MAFG: variants seen among roughly 807,000 people sequenced by gnomAD.
The protein encoded by MAFG is MAF bZIP transcription factor G, also known as transcription factor MafG.
MAFG carries 3 observed loss-of-function variants against 12.2 expected under a neutral mutation model. The observed-to-expected ratio is 0.25, with a 90% confidence interval of 0.11 to 0.64. The LOEUF is 0.64. Among genes scored for constraint, MAFG ranks in the 30% least tolerant of loss-of-function variants. The probability of loss-of-function intolerance (pLI) is 0.85; values close to 1 mark genes in which losing one functional copy is unlikely to be tolerated. For missense variants in MAFG, 153 were observed against 235.5 expected, an observed-to-expected ratio of 0.65 and a Z score of 2.29; for synonymous variants, 126 against 109.1, an observed-to-expected ratio of 1.15 and a Z score of -0.96.
In MAFG at chr17:81,919,802, GCAGGGCTGACCTGA is replaced by G. The variant is rs2143806029; in HGVS notation, c.*2789_*2802del. ...AGGGGAAGAGGGGTGGAGTGGCTCCGCAGGGCTGACCTGACAGGGGACAGGAACACTCCCCTAGA... is the reference window on the plus strand; with the variant it reads ...AGGGGAAGAGGGGTGGAGTGGCTCCGCAGGGGACAGGAACACTCCCCTAGA... On this transcript the variant is annotated 3_prime_UTR_variant, in exon 3 of 3. Transcript: ENST00000357736. 6.6e-6 allele frequency: 1 copy of G among 152,390 alleles called. No individual in the cohort carries two copies. The highest frequency in any genetic ancestry group is 6.5e-5 in the Admixed American group (1 of 15,298). 9.4% of individuals were successfully genotyped at this position (152,390 alleles called of 1,614,324 possible). A position where few individuals can be genotyped will look rare whatever the true frequency, so the allele number is the denominator to read the frequency against.
rs528570560 is a variant in MAFG at position 81,922,465 on chromosome 17, C to T, written c.*140G>A. 3.7e-5 allele frequency: 24 copies of T among 641,046 alleles called. No homozygotes were observed. In the Admixed American group the frequency reaches 4.3e-4, roughly 11 times the overall value. The allele number at this position is 641,046 out of a possible 1,614,324, so 39.7% of individuals were successfully genotyped here. On this transcript the variant is annotated 3_prime_UTR_variant, in exon 3 of 3. Transcript: ENST00000357736. ...GGCTCAGCCCGGCGCCCCTGGGGTACAGGTTGTGCTTTGCAGGGAAGAGAG... is the reference window on the plus strand; with the variant it reads ...GGCTCAGCCCGGCGCCCCTGGGGTATAGGTTGTGCTTTGCAGGGAAGAGAG...
rs1255686296 is a variant in MAFG, at chr17:81,921,878, C to G, written c.*727G>C. ...ATAACTTTGTAAAAGGAACTTCTCT[C>G]TTTTAAATAAAGGGCTATATAACCA... On this transcript the variant is annotated 3_prime_UTR_variant, in exon 3 of 3. Coordinates refer to ENST00000357736, the MANE Select transcript of MAFG (RefSeq NM_002359.4). 2 of 152,050 alleles carry G rather than the reference C, an allele frequency of 1.3e-5. No individual in the cohort carries two copies. Among genetic ancestry groups the G allele is most frequent in the Admixed American group, 6.6e-5 (1 of 15,266 alleles). The allele number at this position is 152,050 out of a possible 1,614,324, so 9.4% of individuals were successfully genotyped here.
upstream of MAFG, chr17:81,927,916 A>C (rs778586833): frequency 6.6e-6 from 1 of 152,188 alleles, no homozygotes; most frequent in East Asian, 1.9e-4. Context: ...GCGCACGGCC[A>C]AAGCGCCAGG....
rs1363703303 is a variant in MAFG, at chr17:81,921,898, T to C, written c.*707A>G. ...TCTCTCTTTTAAATAAAGGGCTATATAACCACACAAATAGGTCATGTAAAC... is the reference window on the plus strand; with the variant it reads ...TCTCTCTTTTAAATAAAGGGCTATACAACCACACAAATAGGTCATGTAAAC... On this transcript the variant is annotated 3_prime_UTR_variant, in exon 3 of 3. Coordinates refer to ENST00000357736, the MANE Select transcript of MAFG (RefSeq NM_002359.4). 1 of 152,196 alleles carries C rather than the reference T, an allele frequency of 6.6e-6. No homozygotes were observed. The highest frequency in any genetic ancestry group is 1.5e-5 in the Non-Finnish European group (1 of 68,032). The allele number at this position is 152,196 out of a possible 1,614,324, so 9.4% of individuals were successfully genotyped here.
rs897007820 is a variant in MAFG at position 81,926,987 on chromosome 17, C to T, written c.-30+541G>A. Among the ~76,000 whole-genome samples the T allele has an allele frequency of 3.3e-5, 5 of 152,178 alleles. No homozygotes were observed. The highest frequency in any genetic ancestry group is 1.2e-4 in the African/African-American group (5 of 41,444). ...GCTGATGACTCAGCAAGTCTCCCTC[C>T]GGGCTCTGGCACGCGACTGACGGAA... is the stretch of plus-strand genomic sequence containing the variant. On this transcript the variant is annotated intron_variant, in intron 1 of 2. Coordinates refer to ENST00000357736, the MANE Select transcript of MAFG (RefSeq NM_002359.4). The surrounding 1 kb of genome is among the most constrained non-coding windows in gnomAD (Gnocchi z 4.6).
upstream of MAFG, chr17:81,930,171 G>A (rs2143837722): frequency 2.0e-5 from 3 of 152,452 alleles, no homozygotes; most frequent in South Asian, 6.2e-4. This position sits in a 1 kb window ranked among gnomAD's most constrained non-coding sequence, Gnocchi z 4.1. Context: ...TGCTCTCCCT[G>A]GTCTCCAGGC....
intron 1 of MAFG, 60 bp from the exon 2 acceptor site, chr17:81,923,274 C>CG: frequency 2.1e-6 from 2 of 966,446 alleles, no homozygotes; most frequent in African/African-American, 2.0e-5. Flanking sequence ...CCCCCCCCCC[C>CG]CGCCCCCGGC....
rs1023016050 is a variant in MAFG, at chr17:81,920,947, C to T, written c.*1658G>A. ...GGGATCAAGCGGGCGGCGAGACCTG[C>T]AGCCCACGGCGCGGGCAGCCTATAG... On this transcript the variant is annotated 3_prime_UTR_variant, in exon 3 of 3. Transcript: ENST00000357736. 1.3e-5 allele frequency: 2 copies of T among 152,390 alleles called. No homozygotes were observed. The highest frequency in any genetic ancestry group is 2.9e-5 in the Non-Finnish European group (2 of 68,172). 9.4% of individuals were successfully genotyped at this position (152,390 alleles called of 1,614,324 possible).
At chr17:81,927,411 G>A (rs1347535552) in intron 1 of MAFG, 117 bp downstream of exon 1, 2 of 150,948 alleles carry the variant, frequency 1.3e-5, no homozygotes, top group Non-Finnish European at 3.0e-5. Flanking sequence ...CCCCGCCGCC[G>A]GGCCCCCAAC....
At chr17:81,927,257 TCGCCCGGCTC>T (rs2040949153) in intron 1 of MAFG, among the ~76,000 whole-genome samples, 1 of 151,042 alleles carries the variant, frequency 6.6e-6, no homozygotes, top group Non-Finnish European at 1.5e-5. Context: ...CGCTCCGCAC[TCGCCCGGCTC>T]CGCGGGTCCG....
Position 81,922,935 on chromosome 17 carries a change from C to T in MAFG, c.159G>A (p.Lys53=), listed in dbSNP as rs757533469. The T allele has an allele frequency of 8.7e-6, 14 of 1,605,484 alleles. No homozygotes were observed. Among genetic ancestry groups the T allele is most frequent in the Non-Finnish European group, 1.1e-5 (13 of 1,176,426 alleles). Reference sequence around the variant, plus strand: ...GGTTCTTGAGCGTGCGCCGGCGCTGCTTCAGCTGGACGATCTCCTCCTTGG... The same window carrying T: ...GGTTCTTGAGCGTGCGCCGGCGCTGTTTCAGCTGGACGATCTCCTCCTTGG... ...GLSKEEIVQL[K]QRRRTLKNRG... The change falls in exon 3 of 3, where the codon AAG becomes AAA. Residue 53 remains lysine, a synonymous_variant. Coordinates refer to ENST00000357736, the MANE Select transcript of MAFG (RefSeq NM_002359.4).
chr17:81,930,926 G>GC (rs2040980714), upstream of MAFG, among the ~76,000 whole-genome samples: 1 of 152,188 alleles, frequency 6.6e-6, no homozygotes, highest in South Asian at 2.1e-4. The surrounding 1 kb of genome is among the most constrained non-coding windows in gnomAD (Gnocchi z 4.1). Context: ...TGGGTCCTTG[G>GC]CCCCCGGCAC....
upstream of MAFG, chr17:81,930,157 GCCCTGCTCT>G (rs1366522359): frequency 6.6e-6 from 1 of 152,356 alleles, no homozygotes; most frequent in Admixed American, 6.5e-5. This position sits in a 1 kb window ranked among gnomAD's most constrained non-coding sequence, Gnocchi z 4.1. Flanking sequence ...GTCCAGTCCA[GCCCTGCTCT>G]CCCTGGTCTC....
chr17:81,925,253 G>A (rs770417928), intron 1 of MAFG, among the ~76,000 whole-genome samples: 6 of 152,336 alleles, frequency 3.9e-5, no homozygotes, highest in South Asian at 2.1e-4. Flanking sequence ...AGATGGTCAC[G>A]GCTCCGCAAC....
rs763083989 is a variant in MAFG at position 81,924,234 on chromosome 17, G to C, written c.-29-1020C>G. 3.3e-5 allele frequency: 5 copies of C among 152,284 alleles called. No individual in the cohort carries two copies. Among genetic ancestry groups the C allele is most frequent in the Non-Finnish European group, 5.9e-5 (4 of 68,082 alleles). The allele number at this position is 152,284 out of a possible 1,614,324, so 9.4% of individuals were successfully genotyped here. A position where few individuals can be genotyped will look rare whatever the true frequency, so the allele number is the denominator to read the frequency against. On this transcript the variant is annotated intron_variant, in intron 1 of 2. Transcript: ENST00000357736. The surrounding 1 kb of genome is among the most constrained non-coding windows in gnomAD (Gnocchi z 4.7). ...CCCCGGGTGAGTGCCCACAGGGCCAGGGAGCAAAAACAAAAGTGCTGGGGT... is the reference window on the plus strand; with the variant it reads ...CCCCGGGTGAGTGCCCACAGGGCCACGGAGCAAAAACAAAAGTGCTGGGGT...
chr17:81,923,263 C>CCG (rs1491293548), intron 1 of MAFG, 49 bp from the exon 2 acceptor site: 72 of 218,704 alleles, frequency 3.3e-4, no homozygotes, highest in South Asian at 2.8e-3. Flanking sequence ...CCTCGCCGCA[C>CCG]CCCCCCCCCC....
At chr17:81,929,123 C>G (rs1456496545), upstream of MAFG, among the ~76,000 whole-genome samples, 2 of 152,238 alleles carry the variant, frequency 1.3e-5, no homozygotes, top group Admixed American at 1.3e-4. This position sits in a 1 kb window ranked among gnomAD's most constrained non-coding sequence, Gnocchi z 5.7. Context: ...ACTCCCACAC[C>G]CCAACTCCTC....
At chr17:81,928,997 C>G (rs546664726), upstream of MAFG, among the ~76,000 whole-genome samples, 1 of 152,280 alleles carries the variant, frequency 6.6e-6, no homozygotes, top group Admixed American at 6.5e-5. The surrounding 1 kb of genome is among the most constrained non-coding windows in gnomAD (Gnocchi z 8.1). Flanking sequence ...AGGACCCGCC[C>G]TCCGTGCCAC....
At chr17:81,928,558 C>G (rs552970907), upstream of MAFG, 1 of 152,294 alleles carries the variant, frequency 6.6e-6, no homozygotes, top group East Asian at 1.9e-4. This position sits in a 1 kb window ranked among gnomAD's most constrained non-coding sequence, Gnocchi z 8.1. Flanking sequence ...AGAAGCGTCC[C>G]TCCGCCTGTC....
Sources: gnomAD v4.1 joint callset for allele counts (sites outside exome capture counted in the v4.1 genomes callset) on GRCh38, gnomAD v4.1.1 for gene constraint, Gnocchi (gnomAD v3.1) non-coding constraint, MANE v1.5 for transcripts, NCBI Gene and HGNC (gene_info 2026-07-23, HGNC 2026-07-21) for gene names.